ANKRD30A: variants seen among roughly 807,000 people sequenced by gnomAD.
ANKRD30A encodes the protein ankyrin repeat domain 30A.
Under a neutral mutation model 166.3 loss-of-function variants are expected in ANKRD30A, and 170 were observed. The observed-to-expected ratio is 1.02, with a 90% CI of 0.90 to 1.16. The LOEUF (loss-of-function observed/expected upper bound fraction) is 1.16. Ranked by LOEUF, ANKRD30A falls within the 50% of genes most tolerant of loss-of-function variation. The pLI, the probability that ANKRD30A is intolerant of heterozygous loss-of-function variation, is 0.00. For synonymous variants in ANKRD30A, 564 were observed against 508.9 expected (o/e 1.11, Z -1.46); for missense variants, 1,630 against 1,518.0 (o/e 1.07, Z -1.23).
At chr10:37,151,967 C>A in intron 11 of ANKRD30A, 93 bp from the exon 12 acceptor site, 2 of 1,158,630 alleles carry the variant, frequency 1.7e-6, no homozygotes, top group Non-Finnish European at 2.5e-6. Context: ...GGAAAAACCA[C>A]AGATTCGTGA....
chr10:37,165,772 T>A (rs1470083982), intron 18 of ANKRD30A, among the ~76,000 whole-genome samples: 1 of 152,136 alleles, frequency 6.6e-6, no homozygotes, highest in Non-Finnish European at 1.5e-5. Context: ...AGTCCCCTTA[T>A]GGCAGTCAAG....
At chr10:37,141,658 A>C in intron 6 of ANKRD30A, 60 bp from the exon 7 acceptor site, 1 of 1,590,058 alleles carries the variant, frequency 6.3e-7, no homozygotes. Flanking sequence ...TTGCCAGGTG[A>C]AGAGTCAGGA....
the ANKRD30A span, among the ~76,000 whole-genome samples, chr10:37,261,546 A>G: frequency 1.3e-5 from 2 of 152,236 alleles, no homozygotes; most frequent in East Asian, 3.8e-4. Context: ...AAATAGGTTA[A>G]TAATTTCTTA....
At chr10:37,146,151 G>A (rs1389283860) in intron 8 of ANKRD30A, among the ~76,000 whole-genome samples, 1 of 151,974 alleles carries the variant, frequency 6.6e-6, no homozygotes, top group African/African-American at 2.4e-5. Context: ...TATCTAATTT[G>A]TCCATAGACA....
rs375389390 is a variant in ANKRD30A, at chr10:37,142,173, G to T, written c.1276G>T (p.Val426Leu). ...KIAWEKKETPVKTGCVARVTS... is the reference protein window; with the variant it reads ...KIAWEKKETPLKTGCVARVTS... ...CGCATGGGAGAAAAAAGAAACACCT[G>T]TAAAGACTGGATGCGTGGCAAGAGT... Residue 426 changes from valine (V) to leucine (L), a missense_variant, in exon 7 of 36, where the codon GTA (valine) becomes TTA (leucine). Coordinates refer to ENST00000361713, the MANE Select transcript of ANKRD30A (RefSeq NM_052997.3). 2 of 1,613,912 alleles carry T rather than the reference G, an allele frequency of 1.2e-6. No individual in the cohort carries two copies. Among genetic ancestry groups the T allele is most frequent in the Non-Finnish European group, 1.7e-6 (2 of 1,180,016 alleles).
In ANKRD30A at chr10:37,145,055, G is replaced by A; in HGVS notation, c.1454G>A (p.Arg485Gln). The A allele has an allele frequency of 3.3e-5, 47 of 1,433,024 alleles. No homozygotes were observed. The highest frequency in any genetic ancestry group is 1.9e-4 in the Middle Eastern group (1 of 5,160). 88.8% of individuals were successfully genotyped at this position (1,433,024 alleles called of 1,614,324 possible). A position where few individuals can be genotyped will look rare whatever the true frequency, so the allele number is the denominator to read the frequency against. Residue 485 changes from arginine (R) to glutamine (Q), a missense_variant and splice_region_variant, in exon 8 of 36, where the codon CGG (arginine) becomes CAG (glutamine). Arg to Gln is a conservative substitution (Grantham distance 43, BLOSUM62 1). This residue lies in a region of ANKRD30A where 904 missense variants were observed against 818.5 expected (regional missense o/e 1.10). Transcript: ENST00000361713. ...GATGAAGAATATTCTTGTGATTCTC[G>A]GGTATTGTGTATTATTGATGTTATT... ...EEDEEYSCDS[R>Q]SLFESSAKIQ... is the part of the protein sequence containing the mutation.
chr10:37,219,010 C>G lies in ANKRD30A; in HGVS notation c.3298C>G (p.Leu1100Val), dbSNP rs1473225606. 9 of 1,589,734 alleles carry G rather than the reference C, an allele frequency of 5.7e-6. No individual in the cohort carries two copies. The highest frequency in any genetic ancestry group is 1.4e-5 in the African/African-American group (1 of 73,026). Residue 1100 changes from leucine (L) to valine (V), a missense_variant, in exon 34 of 36, where the codon CTC becomes GTC. Physicochemically the swap from Leu to Val is conservative, Grantham distance 32. Transcript: ENST00000361713. Reference protein sequence around the residue: ...VSHTHENENYLLHENCMLKKE... With the variant: ...VSHTHENENYVLHENCMLKKE... ...TCACACTCATGAAAATGAAAATTAT[C>G]TCTTACATGAAAATTGCATGTTGAA...
At position 37,192,296 on chromosome 10, in the gene ANKRD30A, G is replaced by A. The variant is rs550162308; in HGVS notation, c.2513-768G>A. ...TGGCCTCCAGAGATCCGCCCTCCTC[G>A]GCCTTCCAAATTGCTGGAATTACAG... On this transcript the variant is annotated intron_variant, in intron 25 of 35. Transcript: ENST00000361713. 1.9e-3 allele frequency among the ~76,000 whole-genome samples: 289 copies of A among 151,970 alleles called. 6 individuals are homozygous for A. Among genetic ancestry groups the A allele is most frequent in the African/African-American group, 6.4e-3 (263 of 41,408 alleles).
chr10:37,137,452 G>T (rs1483540172), intron 6 of ANKRD30A, among the ~76,000 whole-genome samples: 1 of 152,142 alleles, frequency 6.6e-6, no homozygotes, highest in East Asian at 1.9e-4. Flanking sequence ...AAGCGCAAGG[G>T]GTCAGGGAAT....
intron 34 of ANKRD30A, 84 bp from the exon 35 acceptor site, chr10:37,231,377 G>C: frequency 8.8e-7 from 1 of 1,134,348 alleles, no homozygotes; most frequent in Non-Finnish European, 1.3e-6. Flanking sequence ...CTTATAGAAG[G>C]GTTTTCTTTT....
At chr10:37,151,308 G>C (rs1324594422) in intron 11 of ANKRD30A, among the ~76,000 whole-genome samples, 1 of 151,920 alleles carries the variant, frequency 6.6e-6, no homozygotes, top group African/African-American at 2.4e-5. Context: ...TCTTGAGTGG[G>C]CCTTGATTTT....
At chr10:37,210,206 T>C (rs1842215463) in intron 31 of ANKRD30A, among the ~76,000 whole-genome samples, 1 of 152,122 alleles carries the variant, frequency 6.6e-6, no homozygotes. Context: ...AGTGAGAACA[T>C]GCAGTGTTTG....
downstream of ANKRD30A, among the ~76,000 whole-genome samples, chr10:37,233,425 T>C (rs1344790128): frequency 1.3e-5 from 2 of 152,150 alleles, no homozygotes; most frequent in Non-Finnish European, 2.9e-5. Flanking sequence ...AATAATCAGC[T>C]CATGTATTAT....
the ANKRD30A span, among the ~76,000 whole-genome samples, chr10:37,263,195 T>TAAAAAAAAA: frequency 7.4e-6 from 1 of 135,330 alleles, no homozygotes. Flanking sequence ...AATGCTCTGC[T>TAAAAAAAAA]AAAAAAAAAA....
the ANKRD30A span, among the ~76,000 whole-genome samples, chr10:37,249,701 G>A: frequency 1.3e-5 from 2 of 152,174 alleles, no homozygotes; most frequent in African/African-American, 2.4e-5. Flanking sequence ...GGGTAGGTGT[G>A]GAAAACTGTG....
At chr10:37,203,449 A>G (rs1286585306) in intron 31 of ANKRD30A, among the ~76,000 whole-genome samples, 1 of 152,256 alleles carries the variant, frequency 6.6e-6, no homozygotes, top group African/African-American at 2.4e-5. Context: ...TTCATGCTAA[A>G]AACTCTCAAT....
At chr10:37,224,171 A>G (rs1676465008) in intron 34 of ANKRD30A, among the ~76,000 whole-genome samples, 2 of 151,404 alleles carry the variant, frequency 1.3e-5, no homozygotes, top group East Asian at 1.9e-4. Flanking sequence ...TATAATGTCA[A>G]CTGCTCTTTT....
At chr10:37,225,072 G>A (rs545518648) in intron 34 of ANKRD30A, among the ~76,000 whole-genome samples, 1 of 150,982 alleles carries the variant, frequency 6.6e-6, no homozygotes, top group South Asian at 2.1e-4. Context: ...TTAGGTTGAT[G>A]CAAAAGTAAT....
chr10:37,145,691 C>T (rs1345777543), intron 8 of ANKRD30A, among the ~76,000 whole-genome samples: 3 of 152,158 alleles, frequency 2.0e-5, no homozygotes, highest in African/African-American at 4.8e-5. Flanking sequence ...CCGAGTTCAT[C>T]TTTGGGCAAT....
Sources: allele counts gnomAD v4.1 joint callset (sites outside exome capture counted in the v4.1 genomes callset), GRCh38; gene constraint gnomAD v4.1.1; regional missense constraint gnomAD v4.1.1; transcripts MANE v1.5; gene names NCBI Gene and HGNC (gene_info 2026-07-23, HGNC 2026-07-21).